Variants in TMIGD3 observed in about 807,000 individuals in gnomAD.
TMIGD3 encodes the protein AD026 protein (AD026).
Under a neutral mutation model 28.1 loss-of-function variants are expected in TMIGD3, and 21 were observed. The ratio of observed to expected loss-of-function variants is 0.75; its 90% confidence interval spans 0.53 to 1.08. TMIGD3 has a LOEUF of 1.08. TMIGD3 is among the 50% of genes least tolerant of loss of function. The pLI, the probability that TMIGD3 is intolerant of heterozygous loss-of-function variation, is 0.00. For missense variants in TMIGD3, 416 were observed against 435.6 expected, an observed-to-expected ratio of 0.96 and a Z score of 0.40; for synonymous variants, 151 against 162.1, an observed-to-expected ratio of 0.93 and a Z score of 0.52.
intron 1 of TMIGD3, among the ~76,000 whole-genome samples, chr1:111,561,750 G>A (rs1657746821): frequency 6.6e-6 from 1 of 152,180 alleles, no homozygotes; most frequent in Admixed American, 6.5e-5. Flanking sequence ...GTATTTGTGT[G>A]TATGTGTGTG....
intron 1 of TMIGD3, among the ~76,000 whole-genome samples, chr1:111,543,827 G>A (rs534052121): frequency 3.9e-5 from 6 of 152,152 alleles, no homozygotes; most frequent in South Asian, 2.1e-4. Context: ...GTTATCCCAG[G>A]GTGGGCCATT....
intron 2 of TMIGD3, chr1:111,490,316 G>A (rs1291600080): frequency 4.5e-5 from 10 of 221,850 alleles, no homozygotes; most frequent in Non-Finnish European, 8.8e-5. Flanking sequence ...AGATGCTGGG[G>A]AAAAATATGG....
At chr1:111,497,559 C>T (rs987213812) in intron 1 of TMIGD3, among the ~76,000 whole-genome samples, 1 of 152,062 alleles carries the variant, frequency 6.6e-6, no homozygotes, top group African/African-American at 2.4e-5. Context: ...TATGGAACAC[C>T]TTAAGTCAGG....
chr1:111,562,000 A>G (rs772641944), intron 1 of TMIGD3, among the ~76,000 whole-genome samples: 4 of 152,092 alleles, frequency 2.6e-5, no homozygotes, highest in Non-Finnish European at 5.9e-5. Context: ...GATAGAATTC[A>G]AACCCTCCAC....
At chr1:111,499,553 TCTG>T (rs1655052552) in intron 1 of TMIGD3, 1 of 1,013,766 alleles carries the variant, frequency 9.9e-7, no homozygotes, top group African/African-American at 1.7e-5. Flanking sequence ...GAGCAGGTTC[TCTG>T]CTCAATTCCA....
chr1:111,512,470 C>A (rs1334251784), intron 1 of TMIGD3, among the ~76,000 whole-genome samples: 2 of 152,202 alleles, frequency 1.3e-5, no homozygotes, highest in African/African-American at 4.8e-5. Context: ...AAATGGATGA[C>A]CTTAGCCAAA....
intron 1 of TMIGD3, among the ~76,000 whole-genome samples, chr1:111,535,210 A>G (rs1156931698): frequency 6.6e-6 from 1 of 152,262 alleles, no homozygotes; most frequent in Non-Finnish European, 1.5e-5. Flanking sequence ...ATAAATGTCA[A>G]CTATTATATC....
intron 1 of TMIGD3, among the ~76,000 whole-genome samples, chr1:111,530,274 T>C (rs1243906701): frequency 6.6e-6 from 1 of 152,208 alleles, no homozygotes; most frequent in African/African-American, 2.4e-5. Flanking sequence ...TGTGTTAATG[T>C]TATACATTTT....
intron 1 of TMIGD3, among the ~76,000 whole-genome samples, chr1:111,531,914 G>A (rs916309205): frequency 4.6e-5 from 7 of 151,882 alleles, no homozygotes; most frequent in Non-Finnish European, 8.8e-5. Flanking sequence ...ACTTTGTTAG[G>A]TGAAAAAGAA....
intron 1 of TMIGD3, among the ~76,000 whole-genome samples, chr1:111,534,619 A>C (rs907284895): frequency 7.2e-5 from 11 of 152,138 alleles, no homozygotes; most frequent in African/African-American, 2.4e-4. Context: ...GCCCCTTCCC[A>C]TGACCTGAAG....
At chr1:111,521,166 G>A (rs1386842435) in intron 1 of TMIGD3, among the ~76,000 whole-genome samples, 7 of 151,736 alleles carry the variant, frequency 4.6e-5, no homozygotes, top group East Asian at 3.9e-4. Flanking sequence ...TGGATCTATC[G>A]TAATTTGCTT....
At position 111,488,946 on chromosome 1, in the gene TMIGD3, T is replaced by A. The variant is rs1187757069; in HGVS notation, c.536A>T (p.His179Leu). ...TASAICNYNA[H>L]YKNHPKYWCR... ...CCAGTATTTGGGGTGATTCTTGTAGTGGGCATTGTAGTTGCAGATGGCAGA... is the reference window on the plus strand; with the variant it reads ...CCAGTATTTGGGGTGATTCTTGTAGAGGGCATTGTAGTTGCAGATGGCAGA... The change falls in exon 3 of 6, where the codon CAC (histidine) becomes CTC (leucine). Residue 179 changes from histidine (H) to leucine (L), a missense_variant. By Grantham distance (99) the His-to-Leu change is moderately conservative. Transcript: ENST00000369716. 1 of 1,614,192 alleles carries A rather than the reference T, an allele frequency of 6.2e-7. No individual in the cohort carries two copies. Among genetic ancestry groups the A allele is most frequent in the Non-Finnish European group, 8.5e-7 (1 of 1,180,036 alleles).
intron 1 of TMIGD3, among the ~76,000 whole-genome samples, chr1:111,519,634 C>T (rs761232651): frequency 9.9e-5 from 15 of 152,046 alleles, no homozygotes; most frequent in Middle Eastern, 3.4e-3. Flanking sequence ...TAACCCAAGC[C>T]CAGGTTTCTT....
chr1:111,512,589 C>T (rs976201122), intron 1 of TMIGD3, among the ~76,000 whole-genome samples: 2 of 152,246 alleles, frequency 1.3e-5, no homozygotes, highest in Non-Finnish European at 2.9e-5. Context: ...TGGTCCCCTG[C>T]ACCACCACCT....
At chr1:111,539,680 C>G (rs1190961019) in intron 1 of TMIGD3, among the ~76,000 whole-genome samples, 1 of 152,134 alleles carries the variant, frequency 6.6e-6, no homozygotes, top group Non-Finnish European at 1.5e-5. Context: ...ACACAATATC[C>G]CCCTACTCCC....
At chr1:111,558,749 G>A (rs2786975) in intron 1 of TMIGD3, among the ~76,000 whole-genome samples, 87,150 of 151,954 alleles carry the variant, frequency 0.57, 26,084 homozygotes, top group African/African-American at 0.75. Context: ...TTTAAACTAT[G>A]TAAAGTAAAA....
At chr1:111,517,468 A>G (rs1370183489) in intron 1 of TMIGD3, among the ~76,000 whole-genome samples, 3 of 152,142 alleles carry the variant, frequency 2.0e-5, no homozygotes, top group African/African-American at 4.8e-5. Flanking sequence ...TTCCTTACAT[A>G]TAGAAAACTG....
At chr1:111,549,352 T>C (rs1234677958) in intron 1 of TMIGD3, among the ~76,000 whole-genome samples, 1 of 150,966 alleles carries the variant, frequency 6.6e-6, no homozygotes, top group Non-Finnish European at 1.5e-5. Context: ...TTTTCCCCCT[T>C]TTAAAACATG....
intron 5 of TMIGD3, 148 bp downstream of exon 5, chr1:111,485,592 T>C (rs1654324510): frequency 4.9e-6 from 3 of 608,356 alleles, no homozygotes; most frequent in Admixed American, 3.2e-5. Flanking sequence ...CAAGCAGATA[T>C]CTACCCCAGC....
Sources: gnomAD v4.1 joint callset for allele counts (sites outside exome capture counted in the v4.1 genomes callset) on GRCh38, gnomAD v4.1.1 for gene constraint, MANE v1.5 for transcripts, NCBI Gene and HGNC (gene_info 2026-07-23, HGNC 2026-07-21) for gene names.